Variants in RFTN1 observed in about 807,000 individuals in gnomAD.
The protein encoded by RFTN1 is raftlin, lipid raft linker 1.
In RFTN1, 26 loss-of-function variants were observed where a neutral mutation model predicts 46.5. That is an observed-to-expected ratio of 0.56 (90% CI 0.41 to 0.78). The LOEUF (loss-of-function observed/expected upper bound fraction) is 0.78. Ranked by LOEUF, RFTN1 falls within the 30% of genes least tolerant of loss-of-function variation. The pLI, the probability that RFTN1 is intolerant of heterozygous loss-of-function variation, is 0.00. For missense variants in RFTN1, 693 were observed against 718.7 expected (o/e 0.96, Z 0.41); for synonymous variants, 261 against 284.2 (o/e 0.92, Z 0.82).
rs2071597120 is a variant in RFTN1 at position 16,345,530 on chromosome 3, A to T, written c.1146+12402T>A. On this transcript the variant is annotated intron_variant, in intron 7 of 9. Transcript: ENST00000334133. This position sits in a 1 kb window ranked among gnomAD's most constrained non-coding sequence, Gnocchi z 5.2. ...GTGGGTGGACACCATCCAGTCATTG[A>T]GGACCTGAACAGAACAAAGGGTGGA... 6.6e-6 allele frequency among the ~76,000 whole-genome samples: 1 copy of T among 152,120 alleles called. No individual in the cohort carries two copies. Among genetic ancestry groups the T allele is most frequent in the African/African-American group, 2.4e-5 (1 of 41,398 alleles).
intron 7 of RFTN1, among the ~76,000 whole-genome samples, chr3:16,333,130 G>C (rs1450379032): frequency 1.3e-5 from 2 of 152,186 alleles, no homozygotes; most frequent in African/African-American, 4.8e-5. Flanking sequence ...TAGCATTCCT[G>C]CACTTAGGAA....
rs982321671 is a variant in RFTN1 at position 16,345,527 on chromosome 3, T to C, written c.1146+12405A>G. On this transcript the variant is annotated intron_variant, in intron 7 of 9. Transcript: ENST00000334133. The surrounding 1 kb of genome is among the most constrained non-coding windows in gnomAD (Gnocchi z 5.2). Reference sequence around the variant, plus strand: ...AGTGTGGGTGGACACCATCCAGTCATTGAGGACCTGAACAGAACAAAGGGT... The same window carrying C: ...AGTGTGGGTGGACACCATCCAGTCACTGAGGACCTGAACAGAACAAAGGGT... Among the ~76,000 whole-genome samples the C allele has an allele frequency of 1.1e-4, 16 of 152,210 alleles. 2 individuals are homozygous for C. Among genetic ancestry groups the C allele is most frequent in the East Asian group, 3.9e-4 (2 of 5,178 alleles).
chr3:16,327,779 G>A lies in RFTN1; in HGVS notation c.1147-903C>T, dbSNP rs578042682. On this transcript the variant is annotated intron_variant, in intron 7 of 9. Transcript: ENST00000334133. This position sits in a 1 kb window ranked among gnomAD's most constrained non-coding sequence, Gnocchi z 4.2. ...CCCATCTCAAAAAAAAAAACAAAAC[G>A]AAAAAAACTTCAGCCCCCTGCTAGC... Among the ~76,000 whole-genome samples, 11 of 151,302 alleles carry A rather than the reference G, an allele frequency of 7.3e-5. No individual in the cohort carries two copies. Among genetic ancestry groups the A allele is most frequent in the African/African-American group, 2.7e-4 (11 of 41,232 alleles).
rs1346946375 is a variant in RFTN1, at chr3:16,336,045, TCTC to T, written c.1147-9172_1147-9170del. ...CACTCGAGGAGGGTAGAGGTCCTGT[TCTC>T]CTACGGCCATGGAAAGTGGAGATCT... On this transcript the variant is annotated intron_variant, in intron 7 of 9. Transcript: ENST00000334133. The surrounding 1 kb of genome is among the most constrained non-coding windows in gnomAD (Gnocchi z 6.0). Among the ~76,000 whole-genome samples, 1 of 152,126 alleles carries T rather than the reference TCTC, an allele frequency of 6.6e-6. No homozygotes were observed. The highest frequency in any genetic ancestry group is 1.5e-5 in the Non-Finnish European group (1 of 68,014).
chr3:16,336,295 C>G lies in RFTN1; in HGVS notation c.1147-9419G>C, dbSNP rs1214062639. Reference sequence around the variant, plus strand: ...GCTCTGTCTGTGCCACTTGGGAAGCCTCTTCTGCCCCAGGAGATCCCAGTC... The same window carrying G: ...GCTCTGTCTGTGCCACTTGGGAAGCGTCTTCTGCCCCAGGAGATCCCAGTC... On this transcript the variant is annotated intron_variant, in intron 7 of 9. Transcript: ENST00000334133. The surrounding 1 kb of genome is among the most constrained non-coding windows in gnomAD (Gnocchi z 6.0). 6.6e-6 allele frequency among the ~76,000 whole-genome samples: 1 copy of G among 152,228 alleles called. No homozygotes were observed. Among genetic ancestry groups the G allele is most frequent in the Admixed American group, 6.5e-5 (1 of 15,280 alleles).
At chr3:16,324,689 T>A (rs1340500049) in intron 8 of RFTN1, among the ~76,000 whole-genome samples, 1 of 116,522 alleles carries the variant, frequency 8.6e-6, no homozygotes, top group Non-Finnish European at 1.8e-5. Flanking sequence ...TGTGTGTATT[T>A]TATATATATA....
intron 1 of RFTN1, among the ~76,000 whole-genome samples, chr3:16,505,914 C>T (rs9853822): frequency 0.55 from 83,445 of 152,060 alleles, 24,176 homozygotes; most frequent in African/African-American, 0.74. Flanking sequence ...TTACTATGTG[C>T]AAGGCCCTGT....
rs570776738 is a variant in RFTN1 at position 16,371,642 on chromosome 3, T to C, written c.827-1363A>G. The stretch of plus-strand genomic sequence containing the variant: ...ATATTACTTTGTCATCAGCAATACC[T>C]GAATGAACAGCAGCCATTTCAGGCT... On this transcript the variant is annotated intron_variant, in intron 5 of 9. Coordinates refer to ENST00000334133, the MANE Select transcript of RFTN1 (RefSeq NM_015150.2). Among the ~76,000 whole-genome samples, 15 of 152,364 alleles carry C rather than the reference T, an allele frequency of 9.8e-5. No homozygotes were observed. The East Asian group carries it at 1.9e-3, about 20-fold the overall frequency.
intron 2 of RFTN1, among the ~76,000 whole-genome samples, chr3:16,488,392 C>T (rs2076486138): frequency 6.6e-6 from 1 of 152,186 alleles, no homozygotes; most frequent in South Asian, 2.1e-4. Flanking sequence ...AGCCACTGCA[C>T]CCAGCTTATC....
intron 2 of RFTN1, among the ~76,000 whole-genome samples, chr3:16,476,482 T>C (rs1051861411): frequency 6.6e-6 from 1 of 151,672 alleles, no homozygotes; most frequent in Non-Finnish European, 1.5e-5. Flanking sequence ...ACAAAGAAAA[T>C]AAGATAGAAA....
rs545612420 is a variant in RFTN1 at position 16,370,310 on chromosome 3, GAA to G, written c.827-33_827-32del. 1.4e-4 allele frequency: 222 copies of G among 1,601,652 alleles called. 1 individual carries two copies. In the African/African-American group the frequency reaches 2.6e-3, roughly 19 times the overall value. ...GGGATTTGTAAAGGGAGTGGAGAGA[GAA>G]GAGGTCAACTGATGATAAAAATCTG... is the stretch of plus-strand genomic sequence containing the variant. On this transcript the variant is annotated intron_variant, in intron 5 of 9. Transcript: ENST00000334133. This position sits in a 1 kb window ranked among gnomAD's most constrained non-coding sequence, Gnocchi z 5.5.
At position 16,402,692 on chromosome 3, in the gene RFTN1, T is replaced by C. The variant is rs564286360; in HGVS notation, c.441+6683A>G. On this transcript the variant is annotated intron_variant, in intron 4 of 9. Coordinates refer to ENST00000334133, the MANE Select transcript of RFTN1 (RefSeq NM_015150.2). This position sits in a 1 kb window ranked among gnomAD's most constrained non-coding sequence, Gnocchi z 4.5. ...CATCCCGGAGATTTGGGATATTCTG[T>C]TTCATTAAAAGAAGCCATTGAGATT... Among the ~76,000 whole-genome samples, 19 of 152,254 alleles carry C rather than the reference T, an allele frequency of 1.2e-4. No homozygotes were observed. In the East Asian group the frequency reaches 2.1e-3, roughly 17 times the overall value.
chr3:16,330,316 G>A (rs1277938199), intron 7 of RFTN1, among the ~76,000 whole-genome samples: 2 of 152,182 alleles, frequency 1.3e-5, no homozygotes, highest in African/African-American at 4.8e-5. Flanking sequence ...GTGATTTTCC[G>A]TAAGCATCTA....
At chr3:16,469,003 TTTCC>T (rs1330581580) in intron 2 of RFTN1, among the ~76,000 whole-genome samples, 1 of 152,132 alleles carries the variant, frequency 6.6e-6, no homozygotes, top group African/African-American at 2.4e-5. Context: ...TAAGGTGGAG[TTTCC>T]TTTGGCCACA....
At chr3:16,454,043 C>T (rs532379004) in intron 2 of RFTN1, among the ~76,000 whole-genome samples, 1 of 152,184 alleles carries the variant, frequency 6.6e-6, no homozygotes, top group East Asian at 1.9e-4. Context: ...GGACATGATG[C>T]CAGACCTCTA....
chr3:16,358,340 C>T (rs776975320), intron 6 of RFTN1, among the ~76,000 whole-genome samples: 3 of 152,150 alleles, frequency 2.0e-5, no homozygotes, highest in African/African-American at 4.8e-5. Flanking sequence ...TTTCATGCTC[C>T]AGCGTCAGGA....
chr3:16,405,167 C>T (rs2074822231), intron 4 of RFTN1, among the ~76,000 whole-genome samples: 1 of 152,112 alleles, frequency 6.6e-6, no homozygotes, highest in South Asian at 2.1e-4. Flanking sequence ...ATTCCAGAGG[C>T]CCCCACGGAC....
chr3:16,403,737 TATATTATATA>T (rs2074685452), intron 4 of RFTN1, among the ~76,000 whole-genome samples: 2 of 34,704 alleles, frequency 5.8e-5, no homozygotes, highest in South Asian at 9.4e-4. Context: ...TTATATATAT[TATATTATATA>T]TTATATATAA....
rs1410734445 is a variant in RFTN1, at chr3:16,474,850, C to G, written c.145+18875G>C. Among the ~76,000 whole-genome samples, 2 of 152,208 alleles carry G rather than the reference C, an allele frequency of 1.3e-5. No homozygotes were observed. The highest frequency in any genetic ancestry group is 3.9e-4 in the East Asian group (2 of 5,190). ...GCATCAGTTCTATTTCTTCCCCAGC[C>G]AGAATACACAGGACTAGCCATCAAG... On this transcript the variant is annotated intron_variant, in intron 2 of 9. Coordinates refer to ENST00000334133, the MANE Select transcript of RFTN1 (RefSeq NM_015150.2). This position sits in a 1 kb window ranked among gnomAD's most constrained non-coding sequence, Gnocchi z 5.5.
Sources: gnomAD v4.1 joint callset for allele counts (sites outside exome capture counted in the v4.1 genomes callset) on GRCh38, gnomAD v4.1.1 for gene constraint, Gnocchi (gnomAD v3.1) non-coding constraint, MANE v1.5 for transcripts, NCBI Gene and HGNC (gene_info 2026-07-23, HGNC 2026-07-21) for gene names.